MACROD1: variants seen among roughly 807,000 people sequenced by gnomAD.
MACROD1 encodes the protein mono-ADP ribosylhydrolase 1, also known as ADP-ribose glycohydrolase MACROD1.
In MACROD1, 31 loss-of-function variants were observed where a neutral mutation model predicts 41.4. That is an observed-to-expected ratio of 0.75 (90% CI 0.56 to 1.01). MACROD1 has a LOEUF of 1.01. Ranked by LOEUF, MACROD1 falls within the 50% of genes least tolerant of loss-of-function variation. The probability of loss-of-function intolerance (pLI) is 0.00; values close to 1 mark genes in which losing one functional copy is unlikely to be tolerated. For missense variants in MACROD1, 473 were observed against 460.0 expected (o/e 1.03, Z -0.26); for synonymous variants, 252 against 203.4 (o/e 1.24, Z -2.03).
intron 1 of MACROD1, among the ~76,000 whole-genome samples, chr11:64,158,069 G>T (rs1376734550): frequency 2.6e-5 from 4 of 152,208 alleles, no homozygotes; most frequent in Non-Finnish European, 4.4e-5. Flanking sequence ...ACTCCCAGGG[G>T]TACCTGGAAA....
chr11:64,011,848 T>C (rs1943020832), intron 4 of MACROD1, among the ~76,000 whole-genome samples: 1 of 151,868 alleles, frequency 6.6e-6, no homozygotes, highest in African/African-American at 2.4e-5. Context: ...CAGAGTCAGA[T>C]GGGGTCTAAC....
chr11:64,069,973 G>C (rs1343166479), intron 3 of MACROD1, among the ~76,000 whole-genome samples: 1 of 152,094 alleles, frequency 6.6e-6, no homozygotes, highest in Non-Finnish European at 1.5e-5. Context: ...TCCCTCTGCA[G>C]GGGGCAGAGC....
At chr11:64,055,090 G>C (rs1018386838) in intron 3 of MACROD1, among the ~76,000 whole-genome samples, 1 of 152,120 alleles carries the variant, frequency 6.6e-6, no homozygotes, top group African/African-American at 2.4e-5. Context: ...GGTCCAGAAG[G>C]TGACCCTCAT....
chr11:64,042,823 C>T (rs1438767746), intron 3 of MACROD1, among the ~76,000 whole-genome samples: 3 of 152,202 alleles, frequency 2.0e-5, no homozygotes, highest in Non-Finnish European at 4.4e-5. Context: ...AGACCCCCAC[C>T]AGGCTTGGGC....
intron 3 of MACROD1, among the ~76,000 whole-genome samples, chr11:64,147,425 CTG>C (rs1590967653): frequency 6.6e-6 from 1 of 150,482 alleles, no homozygotes; most frequent in East Asian, 1.9e-4. Flanking sequence ...GAGTCTCACT[CTG>C]TTGCCCAGGC....
chr11:64,146,424 C>T lies in MACROD1; in HGVS notation c.517+4815G>A, dbSNP rs544993230. ...ACATGGCAGCCCAATTTCATTAAGA[C>T]GGATGCGCCATGCTCCTGTGGGCAG... is the stretch of plus-strand genomic sequence containing the variant. On this transcript the variant is annotated intron_variant, in intron 3 of 10. Coordinates refer to ENST00000255681, the MANE Select transcript of MACROD1 (RefSeq NM_014067.4). This position sits in a 1 kb window ranked among gnomAD's most constrained non-coding sequence, Gnocchi z 4.7. Among the ~76,000 whole-genome samples, 6 of 152,292 alleles carry T rather than the reference C, an allele frequency of 3.9e-5. No homozygotes were observed. The East Asian group carries it at 5.8e-4, about 15-fold the overall frequency.
intron 3 of MACROD1, among the ~76,000 whole-genome samples, chr11:64,143,795 C>CACAG (rs1225494013): frequency 6.7e-6 from 1 of 149,166 alleles, no homozygotes. Flanking sequence ...CACACACACA[C>CACAG]ACACACAATT....
intron 3 of MACROD1, among the ~76,000 whole-genome samples, chr11:64,143,343 T>C (rs548320206): frequency 6.6e-6 from 1 of 152,030 alleles, no homozygotes; most frequent in Admixed American, 6.6e-5. Flanking sequence ...CTCATCTGTA[T>C]AATGGGGGAA....
At chr11:64,114,627 G>A (rs1194620125) in intron 3 of MACROD1, among the ~76,000 whole-genome samples, 2 of 150,036 alleles carry the variant, frequency 1.3e-5, no homozygotes, top group Admixed American at 6.6e-5. Context: ...GGATGGACAG[G>A]TGCATGCATG....
intron 3 of MACROD1, among the ~76,000 whole-genome samples, chr11:64,115,912 C>T (rs1229455439): frequency 6.6e-6 from 1 of 152,228 alleles, no homozygotes; most frequent in Non-Finnish European, 1.5e-5. Flanking sequence ...CTAAATTAAC[C>T]TCCCTGAGGC....
intron 3 of MACROD1, among the ~76,000 whole-genome samples, chr11:64,017,138 T>G (rs1365331251): frequency 1.3e-5 from 2 of 151,964 alleles, no homozygotes. Context: ...CCCGGCTAAT[T>G]TTTTGTATTT....
chr11:64,116,872 A>C (rs766433171), intron 3 of MACROD1: 1 of 1,612,028 alleles, frequency 6.2e-7, no homozygotes, highest in Admixed American at 1.7e-5. Flanking sequence ...ACGCTGGAGG[A>C]GCTGCGGCTG....
intron 3 of MACROD1, among the ~76,000 whole-genome samples, chr11:64,094,410 G>T (rs989800423): frequency 1.3e-5 from 2 of 149,582 alleles, no homozygotes; most frequent in East Asian, 3.9e-4. Flanking sequence ...CAGCCTGGGC[G>T]ACAGAGTGAG....
At chr11:64,047,247 A>G (rs917382582) in intron 3 of MACROD1, among the ~76,000 whole-genome samples, 2 of 151,378 alleles carry the variant, frequency 1.3e-5, no homozygotes, top group Non-Finnish European at 2.9e-5. Flanking sequence ...AGATTCCTCA[A>G]CTCCTCCCAG....
intron 3 of MACROD1, among the ~76,000 whole-genome samples, chr11:64,015,545 G>A (rs1021351121): frequency 2.0e-5 from 3 of 152,134 alleles, no homozygotes; most frequent in African/African-American, 2.4e-5. Flanking sequence ...GGACGCAGAC[G>A]CATGGGGGGG....
intron 4 of MACROD1, among the ~76,000 whole-genome samples, chr11:64,007,615 C>T (rs539673634): frequency 5.4e-4 from 82 of 152,102 alleles, no homozygotes; most frequent in Non-Finnish European, 5.1e-4. Context: ...GGGAAGTTTC[C>T]ATCAGTGAAG....
rs577521309 is a variant in MACROD1, at chr11:64,039,215, T to C, written c.518-23934A>G. Among the ~76,000 whole-genome samples, 261 of 151,744 alleles carry C rather than the reference T, an allele frequency of 1.7e-3. 3 individuals carry two copies. The highest frequency in any genetic ancestry group is 1.8e-4 in the Non-Finnish European group (12 of 67,878). Reference sequence around the variant, plus strand: ...GGATGGGGTGCGTGAGGCATGTGGGTGAGCGAGCGTGGGTGGACAAGAAGG... The same window carrying C: ...GGATGGGGTGCGTGAGGCATGTGGGCGAGCGAGCGTGGGTGGACAAGAAGG... On this transcript the variant is annotated intron_variant, in intron 3 of 10. Coordinates refer to ENST00000255681, the MANE Select transcript of MACROD1 (RefSeq NM_014067.4).
intron 3 of MACROD1, among the ~76,000 whole-genome samples, chr11:64,124,763 C>A (rs1945152957): frequency 2.0e-5 from 3 of 152,168 alleles, no homozygotes; most frequent in Admixed American, 2.0e-4. Context: ...TCACCGCAAC[C>A]CCTGCCTCCC....
rs370278336 is a variant in MACROD1, at chr11:64,152,125, A to G, written c.400+167T>C. ...GCCTGCGCAAAAAGAGTGAAATTCC[A>G]TCTCAAAAAATAAAATAAAATAATT... On this transcript the variant is annotated intron_variant, in intron 2 of 10. Coordinates refer to ENST00000255681, the MANE Select transcript of MACROD1 (RefSeq NM_014067.4). Among the ~76,000 whole-genome samples, 42 of 152,324 alleles carry G rather than the reference A, an allele frequency of 2.8e-4. No individual in the cohort carries two copies. The East Asian group carries it at 5.4e-3, about 20-fold the overall frequency.
Sources: allele counts gnomAD v4.1 joint callset (sites outside exome capture counted in the v4.1 genomes callset), GRCh38; gene constraint gnomAD v4.1.1; non-coding constraint Gnocchi (gnomAD v3.1); transcripts MANE v1.5; gene names NCBI Gene and HGNC (gene_info 2026-07-23, HGNC 2026-07-21).